Variants in PIK3C2B observed in about 807,000 individuals in gnomAD.
PIK3C2B encodes the protein phosphatidylinositol-4-phosphate 3-kinase catalytic subunit type 2 beta.
Under a neutral mutation model 184.3 loss-of-function variants are expected in PIK3C2B, and 83 were observed. The observed-to-expected ratio is 0.45, with a 90% CI of 0.38 to 0.54. PIK3C2B has a LOEUF of 0.54. Among genes scored for constraint, PIK3C2B ranks in the 20% least tolerant of loss-of-function variants. The pLI is 0.00. For synonymous variants in PIK3C2B, 779 were observed against 837.6 expected (o/e 0.93, Z 1.21); for missense variants, 1,736 against 2,113.5 (o/e 0.82, Z 3.50).
chr1:204,434,062 AGAAGGG>A lies in PIK3C2B; in HGVS notation c.3687-119_3687-114del. ...CCCTCATCACGTGGACACACTGGAT[AGAAGGG>A]GCTCTAACTTTTTTCTTTGTTCCTT... is the stretch of plus-strand genomic sequence containing the variant. On this transcript the variant is annotated intron_variant, in intron 24 of 32. Transcript: ENST00000684373. The A allele has an allele frequency of 4.9e-6, 4 of 808,384 alleles. No individual in the cohort carries two copies. The South Asian group carries it at 6.5e-5, about 13-fold the overall frequency. The allele number at this position is 808,384 out of a possible 1,614,324, so 50.1% of individuals were successfully genotyped here.
intron 5 of PIK3C2B, among the ~76,000 whole-genome samples, chr1:204,462,691 T>C (rs1259085151): frequency 6.6e-6 from 1 of 152,130 alleles, no homozygotes; most frequent in Non-Finnish European, 1.5e-5. Flanking sequence ...CCTGCCTCTT[T>C]CCTTTCCCTT....
At position 204,443,158 on chromosome 1, in the gene PIK3C2B, A is replaced by G. The variant is rs193142790; in HGVS notation, c.3048+259T>C. The stretch of plus-strand genomic sequence containing the variant: ...CTGGCTGAGTGCTCTTGTGCAATGA[A>G]CAACTTACACAACTGTGCTTAGCCT... On this transcript the variant is annotated intron_variant, in intron 19 of 32. Transcript: ENST00000684373. Among the ~76,000 whole-genome samples, 196 of 152,340 alleles carry G rather than the reference A, an allele frequency of 1.3e-3. 1 individual carries two copies. The highest frequency in any genetic ancestry group is 4.3e-3 in the African/African-American group (179 of 41,576).
At chr1:204,449,118 G>T in intron 14 of PIK3C2B, 67 bp downstream of exon 14, 1 of 1,141,254 alleles carries the variant, frequency 8.8e-7, no homozygotes. Context: ...CAAATCTCCA[G>T]GAGAAAAATG....
chr1:204,442,028 C>T (rs1254197686), intron 20 of PIK3C2B, among the ~76,000 whole-genome samples: 3 of 152,164 alleles, frequency 2.0e-5, no homozygotes, highest in Non-Finnish European at 2.9e-5. Flanking sequence ...CCACCACCTC[C>T]GACTTCATCC....
chr1:204,442,726 G>A (rs989641077), intron 19 of PIK3C2B, 93 bp from the exon 20 acceptor site: 20 of 831,672 alleles, frequency 2.4e-5, no homozygotes, highest in South Asian at 2.2e-4. Context: ...CGTAGTAGTC[G>A]GTATGAAAAC....
intron 8 of PIK3C2B, among the ~76,000 whole-genome samples, chr1:204,458,933 GC>G (rs1655094383): frequency 6.6e-6 from 1 of 152,202 alleles, no homozygotes; most frequent in African/African-American, 2.4e-5. Context: ...AGGGATTCTG[GC>G]AGTGACTAGA....
chr1:204,455,278 T>A (rs1479559250), intron 11 of PIK3C2B, among the ~76,000 whole-genome samples: 1 of 142,660 alleles, frequency 7.0e-6, no homozygotes, highest in Non-Finnish European at 1.5e-5. Flanking sequence ...TCTCTGCCAA[T>A]CGCCCAGAGG....
intron 2 of PIK3C2B, among the ~76,000 whole-genome samples, chr1:204,467,778 T>A (rs1192859178): frequency 7.8e-6 from 1 of 128,462 alleles, no homozygotes; most frequent in African/African-American, 3.0e-5. Context: ...GAGGCTGCAG[T>A]GAGCCAAGAT....
At chr1:204,438,609 G>A (rs960827599) in intron 23 of PIK3C2B, among the ~76,000 whole-genome samples, 1 of 152,160 alleles carries the variant, frequency 6.6e-6, no homozygotes, top group Non-Finnish European at 1.5e-5. Context: ...GAGAACATAA[G>A]GGAACCTGAA....
chr1:204,484,113 G>C (rs777628907), intron 1 of PIK3C2B, among the ~76,000 whole-genome samples: 2 of 152,218 alleles, frequency 1.3e-5, no homozygotes, highest in Non-Finnish European at 2.9e-5. Flanking sequence ...AAGGAAGGCA[G>C]AGAAGTGGGG....
At chr1:204,474,019 T>A (rs1656505455) in intron 1 of PIK3C2B, among the ~76,000 whole-genome samples, 1 of 125,276 alleles carries the variant, frequency 8.0e-6, no homozygotes, top group South Asian at 2.6e-4. Flanking sequence ...GAGATGGAGT[T>A]TCGCTCTTGC....
At chr1:204,464,380 G>A (rs547545114) in intron 4 of PIK3C2B, 70 bp downstream of exon 4, 89 of 1,305,082 alleles carry the variant, frequency 6.8e-5, no homozygotes, top group East Asian at 5.7e-4. Flanking sequence ...GGTGGAAATC[G>A]AGTCAAAACA....
At position 204,469,706 on chromosome 1, in the gene PIK3C2B, C is replaced by G. The variant is rs1422933460; in HGVS notation, c.97G>C (p.Glu33Gln). 1.9e-6 allele frequency: 3 copies of G among 1,614,054 alleles called. No homozygotes were observed. The highest frequency in any genetic ancestry group is 2.5e-6 in the Non-Finnish European group (3 of 1,179,978). Residue 33 changes from glutamate to glutamine, a missense_variant, in exon 2 of 33, where the codon GAG becomes CAG. By Grantham distance (29) the Glu-to-Gln change is conservative. This residue lies in a region of PIK3C2B where 404 missense variants were observed against 418.0 expected (regional missense o/e 0.97). Transcript: ENST00000684373. ...CGGAGCCGGGACAGGGCATCATACT[C>G]CATCTGCAGGGCTTCGGCCATCGCT... Reference protein sequence around the residue: ...ELAMAEALQMEYDALSRLRHD... With the variant: ...ELAMAEALQMQYDALSRLRHD...
intron 22 of PIK3C2B, 61 bp downstream of exon 22, chr1:204,440,131 G>T: frequency 6.5e-7 from 1 of 1,528,444 alleles, no homozygotes; most frequent in Non-Finnish European, 8.9e-7. Context: ...GTTGGCAATG[G>T]GCAGAAGGAC....
At chr1:204,463,956 C>G in intron 5 of PIK3C2B, 56 bp downstream of exon 5, 1 of 1,580,324 alleles carries the variant, frequency 6.3e-7, no homozygotes, top group Non-Finnish European at 8.6e-7. Flanking sequence ...CCCATGAAGC[C>G]CCCTCACAAT....
rs1168682062 is a variant in PIK3C2B, at chr1:204,489,037, A to AT, written c.-85+5318dup. On this transcript the variant is annotated intron_variant, in intron 1 of 32. Coordinates refer to ENST00000684373, the MANE Select transcript of PIK3C2B (RefSeq NM_001377334.1). ...CATTCAGGACTCGAGCCTCATGAAC[A>AT]TTTTTTTTCTCACAGTCCCCTTCAG... Among the ~76,000 whole-genome samples, 2 of 151,906 alleles carry AT rather than the reference A, an allele frequency of 1.3e-5. 1 individual carries two copies. The highest frequency in any genetic ancestry group is 4.1e-4 in the South Asian group (2 of 4,824).
intron 2 of PIK3C2B, among the ~76,000 whole-genome samples, chr1:204,468,204 C>T (rs1461534506): frequency 1.3e-5 from 2 of 151,962 alleles, no homozygotes; most frequent in East Asian, 1.9e-4. Flanking sequence ...CAAATGGTTA[C>T]GGTGGCGAAT....
intron 1 of PIK3C2B, among the ~76,000 whole-genome samples, chr1:204,483,402 AAAC>A (rs1330565098): frequency 4.3e-5 from 6 of 137,962 alleles, no homozygotes; most frequent in Non-Finnish European, 9.7e-5. Context: ...AAAAAAAAAA[AAAC>A]GATCTTCAGA....
At chr1:204,452,288 C>CTTTTTTTTTTTTTTTT (rs71145086) in intron 12 of PIK3C2B, among the ~76,000 whole-genome samples, 1 of 71,050 alleles carries the variant, frequency 1.4e-5, no homozygotes, top group Non-Finnish European at 2.4e-5. Context: ...GTGCAGCACC[C>CTTTTTTTTTTTTTTTT]TTTTTTTTTT....
Sources: allele counts gnomAD v4.1 joint callset (sites outside exome capture counted in the v4.1 genomes callset), GRCh38; gene constraint gnomAD v4.1.1; regional missense constraint gnomAD v4.1.1; transcripts MANE v1.5; gene names NCBI Gene and HGNC (gene_info 2026-07-23, HGNC 2026-07-21).